PRELID2: variants seen among roughly 807,000 people sequenced by gnomAD.
PRELID2 encodes the protein PRELI domain-containing protein 2.
A neutral mutation model predicts 28.4 loss-of-function variants in PRELID2; 25 were observed. That is an observed-to-expected ratio of 0.88 (90% CI 0.64 to 1.23). PRELID2 has a LOEUF of 1.23. PRELID2 is among the 50% of genes most tolerant of loss of function. PRELID2 has a pLI of 0.00. For synonymous variants in PRELID2, 76 were observed against 71.6 expected (o/e 1.06, Z -0.31); for missense variants, 201 against 214.4 (o/e 0.94, Z 0.39).
intron 1 of PRELID2, among the ~76,000 whole-genome samples, chr5:145,634,435 C>T (rs1013916198): frequency 2.6e-5 from 4 of 152,174 alleles, no homozygotes; most frequent in African/African-American, 9.6e-5. Flanking sequence ...ATTGAACTAA[C>T]TTGCAATTCT....
At chr5:145,825,253 A>AAAAAAAAAAAAAAAAAAAAAAAAAAG (rs1561654992) in intron 1 of PRELID2, among the ~76,000 whole-genome samples, 1 of 143,878 alleles carries the variant, frequency 7.0e-6, no homozygotes. Context: ...AAAAAAAAAA[A>AAAAAAAAAAAAAAAAAAAAAAAAAAG]AAAAAAACTT....
At chr5:145,725,617 A>G (rs1756124366) in intron 1 of PRELID2, among the ~76,000 whole-genome samples, 1 of 152,198 alleles carries the variant, frequency 6.6e-6, no homozygotes, top group East Asian at 1.9e-4. Context: ...CTAATAGAAA[A>G]CTACTAGAGA....
At chr5:145,797,418 C>T (rs1292229721) in intron 4 of PRELID2, among the ~76,000 whole-genome samples, 2 of 152,134 alleles carry the variant, frequency 1.3e-5, no homozygotes, top group East Asian at 1.9e-4. Flanking sequence ...AAACTCCCAG[C>T]TTCTGGCTTC....
intron 1 of PRELID2, among the ~76,000 whole-genome samples, chr5:145,713,118 A>C (rs1755740419): frequency 6.6e-6 from 1 of 151,736 alleles, no homozygotes. Flanking sequence ...AATGAAGCAA[A>C]AGAAATTAAT....
At chr5:145,581,745 C>T (rs1753109607) in intron 1 of PRELID2, among the ~76,000 whole-genome samples, 1 of 151,966 alleles carries the variant, frequency 6.6e-6, no homozygotes, top group Non-Finnish European at 1.5e-5. Context: ...TTTACATTAG[C>T]CTAAGAGCTT....
chr5:145,710,063 C>T (rs1654230), intron 1 of PRELID2, among the ~76,000 whole-genome samples: 29,800 of 151,940 alleles, frequency 0.2, 3,518 homozygotes, highest in African/African-American at 0.33. Flanking sequence ...CTATACTTAC[C>T]AAAAGGATGA....
At chr5:145,487,412 T>C (rs144492150) in intron 1 of PRELID2, among the ~76,000 whole-genome samples, 4 of 152,306 alleles carry the variant, frequency 2.6e-5, no homozygotes, top group African/African-American at 9.6e-5. Context: ...ACTCACTTTG[T>C]AGATGTCATA....
At chr5:145,578,091 C>A (rs1361347012) in intron 1 of PRELID2, among the ~76,000 whole-genome samples, 1 of 152,126 alleles carries the variant, frequency 6.6e-6, no homozygotes, top group Non-Finnish European at 1.5e-5. Flanking sequence ...CCAGTTGCTA[C>A]ATCAGCTTAG....
chr5:145,798,582 A>T (rs542030483), intron 4 of PRELID2, among the ~76,000 whole-genome samples: 1 of 152,356 alleles, frequency 6.6e-6, no homozygotes, highest in East Asian at 1.9e-4. Flanking sequence ...ACATATGCTT[A>T]TTGCAGCACT....
chr5:145,611,214 A>T (rs563475488), intron 1 of PRELID2, among the ~76,000 whole-genome samples: 4 of 152,090 alleles, frequency 2.6e-5, no homozygotes, highest in Admixed American at 1.3e-4. Flanking sequence ...CCCAGGCTGG[A>T]GTGCAGTGGC....
intron 1 of PRELID2, among the ~76,000 whole-genome samples, chr5:145,546,457 A>G (rs1431519641): frequency 6.6e-6 from 1 of 152,210 alleles, no homozygotes; most frequent in Non-Finnish European, 1.5e-5. Flanking sequence ...GCCCCCTTCC[A>G]AGATGTACAC....
intron 1 of PRELID2, among the ~76,000 whole-genome samples, chr5:145,509,208 G>A (rs1752440523): frequency 6.6e-6 from 1 of 152,184 alleles, no homozygotes; most frequent in South Asian, 2.1e-4. Flanking sequence ...TGTTGAATAT[G>A]TACTGTGAGT....
chr5:145,378,805 C>T, the PRELID2 span, among the ~76,000 whole-genome samples: 1 of 152,084 alleles, frequency 6.6e-6, no homozygotes, highest in Non-Finnish European at 1.5e-5. Context: ...CCATCTCAGC[C>T]TGGTTCAGAA....
At chr5:145,833,792 T>C (rs1039652064) in intron 1 of PRELID2, among the ~76,000 whole-genome samples, 1 of 152,236 alleles carries the variant, frequency 6.6e-6, no homozygotes, top group African/African-American at 2.4e-5. Flanking sequence ...TGGAGTTCAA[T>C]GTCCCGTGGC....
At chr5:145,469,834 C>T (rs540691531), downstream of PRELID2, among the ~76,000 whole-genome samples, 3 of 152,196 alleles carry the variant, frequency 2.0e-5, no homozygotes, top group South Asian at 6.2e-4. Flanking sequence ...GTACTTAGTT[C>T]TGACATCTTT....
intron 5 of PRELID2, among the ~76,000 whole-genome samples, chr5:145,788,468 A>G (rs1366656266): frequency 1.3e-5 from 2 of 152,142 alleles, no homozygotes; most frequent in Non-Finnish European, 2.9e-5. Flanking sequence ...TCCCAGGTTG[A>G]GGAACACACT....
chr5:145,230,485 AG>A, the PRELID2 span, among the ~76,000 whole-genome samples: 1 of 152,130 alleles, frequency 6.6e-6, no homozygotes, highest in Non-Finnish European at 1.5e-5. Context: ...AGGCTGAGAC[AG>A]GAGAATTGCT....
chr5:145,407,857 A>G, the PRELID2 span, among the ~76,000 whole-genome samples: 1 of 152,130 alleles, frequency 6.6e-6, no homozygotes, highest in Non-Finnish European at 1.5e-5. Context: ...AAACCAATCC[A>G]CTAAACAAAA....
At chr5:145,252,699 G>A in the PRELID2 span, among the ~76,000 whole-genome samples, 1 of 152,044 alleles carries the variant, frequency 6.6e-6, no homozygotes, top group Non-Finnish European at 1.5e-5. Flanking sequence ...AATAACCCAA[G>A]GAGGAGAGAG....
Sources: gnomAD v4.1 joint callset for allele counts (sites outside exome capture counted in the v4.1 genomes callset) on GRCh38, gnomAD v4.1.1 for gene constraint, MANE v1.5 for transcripts, NCBI Gene and HGNC (gene_info 2026-07-23, HGNC 2026-07-21) for gene names.